Variants in ROBO2 observed in about 807,000 individuals in gnomAD.
ROBO2 encodes the protein roundabout guidance receptor 2, also known as roundabout homolog 2.
ROBO2 carries 53 observed loss-of-function variants against 160.8 expected under a neutral mutation model. The observed-to-expected ratio is 0.33, with a 90% CI of 0.26 to 0.41. The LOEUF (loss-of-function observed/expected upper bound fraction) is 0.41, where lower values mean the gene tolerates loss of function less well. Among genes scored for constraint, ROBO2 ranks in the 10% least tolerant of loss-of-function variants. The pLI is 1.00. For missense variants in ROBO2, 1,577 were observed against 1,722.4 expected (o/e 0.92, Z 1.49); for synonymous variants, 664 against 611.7 (o/e 1.09, Z -1.26).
chr3:77,026,180 C>T (rs1451088336), intron 2 of ROBO2, among the ~76,000 whole-genome samples: 1 of 152,060 alleles, frequency 6.6e-6, no homozygotes, highest in Non-Finnish European at 1.5e-5. Flanking sequence ...CCGTGGAATC[C>T]TTGTAGACCC....
chr3:75,970,067 C>G (rs934716300), intron 2 of ROBO2, among the ~76,000 whole-genome samples: 1 of 151,390 alleles, frequency 6.6e-6, no homozygotes, highest in Non-Finnish European at 1.5e-5. Flanking sequence ...TGTGTACAGT[C>G]TAAGATAAGG....
At chr3:77,480,283 T>C (rs1159258925) in intron 3 of ROBO2, among the ~76,000 whole-genome samples, 1 of 139,410 alleles carries the variant, frequency 7.2e-6, no homozygotes, top group Non-Finnish European at 1.6e-5. Context: ...GTAAAGCTAA[T>C]ATTGAATTAA....
chr3:76,212,015 T>C (rs1703176595), intron 2 of ROBO2, among the ~76,000 whole-genome samples: 1 of 152,012 alleles, frequency 6.6e-6, no homozygotes, highest in Non-Finnish European at 1.5e-5. Flanking sequence ...AGTAGATTTC[T>C]AGAAATACAT....
intron 17 of ROBO2, among the ~76,000 whole-genome samples, chr3:77,592,550 A>G (rs111705508): frequency 6.6e-6 from 1 of 151,778 alleles, no homozygotes; most frequent in African/African-American, 2.4e-5. Flanking sequence ...TATATATATA[A>G]ATATATAATT....
chr3:76,809,440 G>C (rs79822570), intron 2 of ROBO2, among the ~76,000 whole-genome samples: 1 of 152,144 alleles, frequency 6.6e-6, no homozygotes, highest in African/African-American at 2.4e-5. Flanking sequence ...AGGGAGAAAA[G>C]CCTCTCACCT....
chr3:76,377,803 T>C (rs2076421895), intron 2 of ROBO2, among the ~76,000 whole-genome samples: 2 of 152,154 alleles, frequency 1.3e-5, no homozygotes, highest in African/African-American at 2.4e-5. Flanking sequence ...TTTTTCTTAA[T>C]GAAAATATGC....
At chr3:77,354,852 T>C (rs569425215) in intron 2 of ROBO2, among the ~76,000 whole-genome samples, 1 of 152,146 alleles carries the variant, frequency 6.6e-6, no homozygotes, top group African/African-American at 2.4e-5. Context: ...AGTTGAGAAG[T>C]AGACAGGCCA....
At chr3:76,642,831 T>TA (rs1163413939) in intron 2 of ROBO2, among the ~76,000 whole-genome samples, 1 of 152,188 alleles carries the variant, frequency 6.6e-6, no homozygotes, top group Non-Finnish European at 1.5e-5. Flanking sequence ...AGTGAGCTCT[T>TA]ACAAAATAAC....
chr3:77,500,870 G>A (rs909342390), intron 5 of ROBO2, among the ~76,000 whole-genome samples: 1 of 152,148 alleles, frequency 6.6e-6, no homozygotes, highest in Non-Finnish European at 1.5e-5. Flanking sequence ...GCTGGAACTG[G>A]CATCCAATTT....
rs1043917961 is a variant in ROBO2 at position 76,433,558 on chromosome 3, A to G, written c.109+495956A>G. ...TTCTGCGTAAACCTATACTTAAAAC[A>G]ATAAGTGCGTCAAGTAAAGTAGGTC... On this transcript the variant is annotated intron_variant, in intron 2 of 26. Coordinates refer to the ROBO2 transcript ENST00000487694. Among the ~76,000 whole-genome samples, 4 of 152,180 alleles carry G rather than the reference A, an allele frequency of 2.6e-5. No homozygotes were observed. In the South Asian group the frequency reaches 8.3e-4, roughly 32 times the overall value.
At chr3:76,649,344 G>A (rs1292123936) in intron 2 of ROBO2, among the ~76,000 whole-genome samples, 4 of 152,080 alleles carry the variant, frequency 2.6e-5, no homozygotes, top group African/African-American at 7.2e-5. Context: ...CTACTCCAGC[G>A]ATTTCAGAAT....
At chr3:76,177,009 G>A (rs2073255527) in intron 2 of ROBO2, among the ~76,000 whole-genome samples, 1 of 151,954 alleles carries the variant, frequency 6.6e-6, no homozygotes, top group Non-Finnish European at 1.5e-5. Flanking sequence ...CATCATTTTA[G>A]TTTTTGCCAC....
chr3:77,546,520 C>G, intron 7 of ROBO2, 58 bp downstream of exon 8: 1 of 1,597,920 alleles, frequency 6.3e-7, no homozygotes, highest in South Asian at 1.1e-5. Flanking sequence ...GTCTCTGCTG[C>G]TCCTGAAAGC....
Position 76,201,773 on chromosome 3 carries a change from C to T in ROBO2, c.109+264171C>T, listed in dbSNP as rs137927902. On this transcript the variant is annotated intron_variant, in intron 2 of 26. Transcript: ENST00000487694. ...TGCTGGGCTGCACAGGGAATTAGTG[C>T]TTTAAATGATGTGTGGGTAGAGAAT... Among the ~76,000 whole-genome samples, 16 of 150,608 alleles carry T rather than the reference C, an allele frequency of 1.1e-4. 1 individual carries two copies. Among genetic ancestry groups the T allele is most frequent in the African/African-American group, 3.9e-4 (16 of 40,972 alleles).
At chr3:76,901,242 T>G (rs556290233) in intron 2 of ROBO2, among the ~76,000 whole-genome samples, 1 of 152,160 alleles carries the variant, frequency 6.6e-6, no homozygotes, top group South Asian at 2.1e-4. Flanking sequence ...CCACATAAAA[T>G]ATTACATATT....
chr3:76,219,969 C>G (rs1703848308), intron 2 of ROBO2, among the ~76,000 whole-genome samples: 1 of 151,874 alleles, frequency 6.6e-6, no homozygotes, highest in Non-Finnish European at 1.5e-5. Flanking sequence ...AAATGTGGCA[C>G]ATATACACCA....
chr3:77,152,523 A>T (rs1359177064), intron 2 of ROBO2, among the ~76,000 whole-genome samples: 1 of 152,182 alleles, frequency 6.6e-6, no homozygotes, highest in Non-Finnish European at 1.5e-5. Flanking sequence ...TGCCACTCTA[A>T]GACCTTGATA....
intron 2 of ROBO2, among the ~76,000 whole-genome samples, chr3:77,439,090 A>T (rs1203357901): frequency 1.3e-5 from 2 of 151,996 alleles, no homozygotes; most frequent in African/African-American, 4.8e-5. Flanking sequence ...TTTGCATTCA[A>T]ACCATTTTTA....
rs1336003864 is a variant in ROBO2 at position 75,989,364 on chromosome 3, C to T, written c.109+51762C>T. Among the ~76,000 whole-genome samples, 3 of 152,112 alleles carry T rather than the reference C, an allele frequency of 2.0e-5. 1 individual carries two copies. Among genetic ancestry groups the T allele is most frequent in the Admixed American group, 1.3e-4 (2 of 15,278 alleles). On this transcript the variant is annotated intron_variant, in intron 2 of 26. Coordinates refer to the ROBO2 transcript ENST00000487694. ...AACTCCTGACCTCATGATCCACCTG[C>T]CTCAGCCTCCCAAAGTGCTGGGATT...
Sources: gnomAD v4.1 joint callset for allele counts (sites outside exome capture counted in the v4.1 genomes callset) on GRCh38, gnomAD v4.1.1 for gene constraint, MANE v1.5 for transcripts, NCBI Gene and HGNC (gene_info 2026-07-23, HGNC 2026-07-21) for gene names.